LONP2: variants seen among roughly 807,000 people sequenced by gnomAD.
The protein encoded by LONP2 is lon protease homolog 2, peroxisomal.
A neutral mutation model predicts 85.6 loss-of-function variants in LONP2; 60 were observed. That is an observed-to-expected ratio of 0.70 (90% CI 0.57 to 0.87). The LOEUF (loss-of-function observed/expected upper bound fraction) is 0.87. Among genes scored for constraint, LONP2 ranks in the 40% least tolerant of loss-of-function variants. The pLI is 0.00. For synonymous variants in LONP2, 395 were observed against 389.7 expected (o/e 1.01, Z -0.16); for missense variants, 860 against 1,063.5 (o/e 0.81, Z 2.66).
At chr16:48,295,665 T>C (rs1972653291) in intron 8 of LONP2, among the ~76,000 whole-genome samples, 1 of 152,184 alleles carries the variant, frequency 6.6e-6, no homozygotes, top group African/African-American at 2.4e-5. Context: ...GCAGTTTAGA[T>C]AGGGTGTGTT....
intron 12 of LONP2, 36 bp downstream of exon 12, chr16:48,334,394 A>G: frequency 6.2e-7 from 1 of 1,613,874 alleles, no homozygotes; most frequent in Non-Finnish European, 8.5e-7. Context: ...TGCTCCAGTC[A>G]ATGAAAGGAA....
At chr16:48,289,322 A>G (rs1393162981) in intron 8 of LONP2, among the ~76,000 whole-genome samples, 1 of 152,182 alleles carries the variant, frequency 6.6e-6, no homozygotes. Flanking sequence ...TGAGACGTCA[A>G]TCAGCATATG....
At chr16:48,244,662 CCTCCTCCGGGGA>C in intron 1 of LONP2, 41 bp downstream of exon 1, 1 of 1,298,948 alleles carries the variant, frequency 7.7e-7, no homozygotes, top group Non-Finnish European at 9.9e-7. Context: ...GGCGGCGCGG[CCTCCTCCGGGGA>C]CCTGGGCCCA....
intron 1 of LONP2, among the ~76,000 whole-genome samples, chr16:48,250,111 G>A (rs1316995195): frequency 1.3e-5 from 2 of 151,592 alleles, no homozygotes; most frequent in Non-Finnish European, 2.9e-5. Flanking sequence ...AGAATCCCTT[G>A]AACCCAGGAG....
chr16:48,280,628 CT>C (rs1567320932), intron 8 of LONP2, among the ~76,000 whole-genome samples: 1 of 152,184 alleles, frequency 6.6e-6, no homozygotes, highest in Non-Finnish European at 1.5e-5. Flanking sequence ...TAAATGCCCC[CT>C]GGGCCCACGT....
intron 5 of LONP2, 146 bp downstream of exon 5, chr16:48,261,733 G>C: frequency 1.9e-6 from 1 of 538,544 alleles, no homozygotes; most frequent in Non-Finnish European, 3.1e-6. Context: ...TATAACTCTT[G>C]CAGCTGCCTT....
intron 10 of LONP2, 45 bp downstream of exon 10, chr16:48,299,833 G>C: frequency 6.3e-7 from 1 of 1,582,198 alleles, no homozygotes; most frequent in Non-Finnish European, 8.6e-7. Context: ...GGCAACTTTT[G>C]AGTATTTACT....
At chr16:48,334,176 A>G (rs776998960) in intron 11 of LONP2, 40 bp from the exon 12 acceptor site, 4 of 1,590,744 alleles carry the variant, frequency 2.5e-6, no homozygotes, top group African/African-American at 2.7e-5. Context: ...CCAGCCTGCA[A>G]ATCTCTTAGA....
At chr16:48,314,573 T>G (rs970013142) in intron 11 of LONP2, among the ~76,000 whole-genome samples, 1 of 152,156 alleles carries the variant, frequency 6.6e-6, no homozygotes, top group African/African-American at 2.4e-5. Flanking sequence ...AGAGAATCCT[T>G]TCTTCATTGG....
At chr16:48,328,283 C>T (rs906142450) in intron 11 of LONP2, among the ~76,000 whole-genome samples, 2 of 151,866 alleles carry the variant, frequency 1.3e-5, no homozygotes, top group African/African-American at 4.8e-5. Context: ...CGGTGGTTCA[C>T]ACCTGTAATC....
chr16:48,249,139 G>A (rs918494458), intron 1 of LONP2, among the ~76,000 whole-genome samples: 3 of 152,128 alleles, frequency 2.0e-5, no homozygotes, highest in African/African-American at 7.2e-5. Context: ...GGGTAGATTC[G>A]AGTTAGGATT....
At chr16:48,347,456 GT>G in intron 12 of LONP2, 50 bp from the exon 13 acceptor site, 1 of 1,579,766 alleles carries the variant, frequency 6.3e-7, no homozygotes, top group Non-Finnish European at 8.7e-7. Context: ...TGTGGTATCA[GT>G]CACCTTTAGC....
intron 8 of LONP2, among the ~76,000 whole-genome samples, chr16:48,283,205 G>A (rs1320625864): frequency 6.6e-6 from 1 of 152,184 alleles, no homozygotes; most frequent in Non-Finnish European, 1.5e-5. Flanking sequence ...ACAACATAAA[G>A]TGCAAAGGGA....
At chr16:48,248,185 C>T (rs1389260836) in intron 1 of LONP2, among the ~76,000 whole-genome samples, 1 of 151,900 alleles carries the variant, frequency 6.6e-6, no homozygotes, top group Non-Finnish European at 1.5e-5. Flanking sequence ...GCAGTGGTGC[C>T]ATCTCAGCTC....
intron 14 of LONP2, among the ~76,000 whole-genome samples, chr16:48,348,896 A>G (rs1043595562): frequency 2.6e-5 from 4 of 152,170 alleles, no homozygotes; most frequent in South Asian, 2.1e-4. Context: ...CTACTTGACA[A>G]ATTGTTAAAG....
At chr16:48,288,310 C>T (rs564269850) in intron 8 of LONP2, among the ~76,000 whole-genome samples, 6 of 152,058 alleles carry the variant, frequency 3.9e-5, no homozygotes, top group East Asian at 3.9e-4. Context: ...CGTGCCACCA[C>T]GCCTGACTAA....
chr16:48,278,624 G>A (rs1972264161), intron 8 of LONP2, among the ~76,000 whole-genome samples: 1 of 152,120 alleles, frequency 6.6e-6, no homozygotes, highest in African/African-American at 2.4e-5. Context: ...CATTTCCAGT[G>A]TTGCTGTTGG....
At chr16:48,321,571 C>T (rs1431460906) in intron 11 of LONP2, among the ~76,000 whole-genome samples, 3 of 152,124 alleles carry the variant, frequency 2.0e-5, no homozygotes, top group African/African-American at 4.8e-5. Context: ...ATTGTGGAAA[C>T]ATCATAGAGT....
At chr16:48,307,753 ATGT>A (rs905760505) in intron 11 of LONP2, among the ~76,000 whole-genome samples, 4 of 152,222 alleles carry the variant, frequency 2.6e-5, no homozygotes, top group African/African-American at 7.2e-5. Context: ...AAATATGTAA[ATGT>A]TGTGTTATTC....
Sources: allele counts gnomAD v4.1 joint callset (sites outside exome capture counted in the v4.1 genomes callset), GRCh38; gene constraint gnomAD v4.1.1; transcripts MANE v1.5; gene names NCBI Gene and HGNC (gene_info 2026-07-23, HGNC 2026-07-21).